The following MEI4 variants were observed in gnomAD, a reference collection of about 807,000 sequenced individuals.
MEI4 encodes meiotic double-stranded break formation protein 4.
MEI4 carries 27 observed loss-of-function variants against 31.4 expected under a neutral mutation model. The ratio of observed to expected loss-of-function variants is 0.86; its 90% CI spans 0.63 to 1.19. The LOEUF is 1.19. Among genes scored for constraint, MEI4 ranks in the 50% most tolerant of loss-of-function variants. The pLI is 0.00. For synonymous variants in MEI4, 122 were observed against 145.4 expected (o/e 0.84, Z 1.16); for missense variants, 329 against 398.9 (o/e 0.82, Z 1.49).
chr6:77,907,504 A>G (rs1233677935), intron 4 of MEI4, among the ~76,000 whole-genome samples: 2 of 152,162 alleles, frequency 1.3e-5, no homozygotes, highest in East Asian at 3.9e-4. Context: ...TCCATGGTGT[A>G]TATGTGCCAC....
chr6:77,916,807 T>A (rs1350817251), intron 4 of MEI4, among the ~76,000 whole-genome samples: 3 of 151,828 alleles, frequency 2.0e-5, no homozygotes, highest in Non-Finnish European at 4.4e-5. Context: ...TTAGGGTACA[T>A]GTGCACATTG....
chr6:77,662,563 A>G (rs187522764), intron 1 of MEI4, among the ~76,000 whole-genome samples: 4 of 152,326 alleles, frequency 2.6e-5, no homozygotes, highest in African/African-American at 9.6e-5. Flanking sequence ...GGAAATTATG[A>G]GAGCTGTAGA....
At chr6:77,873,798 G>A (rs1402763531) in intron 4 of MEI4, among the ~76,000 whole-genome samples, 1 of 152,124 alleles carries the variant, frequency 6.6e-6, no homozygotes, top group Admixed American at 6.6e-5. Context: ...GTAAGGAAGG[G>A]ATCCAGTTTC....
intron 2 of MEI4, among the ~76,000 whole-genome samples, chr6:77,745,320 C>G (rs12526334): frequency 0.092 from 13,993 of 152,078 alleles, 929 homozygotes; most frequent in East Asian, 0.31. Context: ...GGTTGCAATC[C>G]TAGTCTCTGA....
At chr6:77,700,968 G>A (rs1278589817) in intron 2 of MEI4, among the ~76,000 whole-genome samples, 1 of 150,000 alleles carries the variant, frequency 6.7e-6, no homozygotes, top group Admixed American at 6.6e-5. Context: ...AAGTAGAAAG[G>A]AAGGAAGGAA....
intron 4 of MEI4, among the ~76,000 whole-genome samples, chr6:77,844,414 CAG>C (rs1321178973): frequency 6.6e-6 from 1 of 152,142 alleles, no homozygotes; most frequent in African/African-American, 2.4e-5. Context: ...AAGAACATAA[CAG>C]AAGCCTTCCA....
chr6:77,789,040 T>G (rs1768836773), intron 3 of MEI4, among the ~76,000 whole-genome samples: 1 of 152,194 alleles, frequency 6.6e-6, no homozygotes, highest in South Asian at 2.1e-4. Flanking sequence ...AGCATGGTAC[T>G]GGTACCAAAG....
chr6:77,869,789 A>AT (rs1262006749), intron 4 of MEI4, among the ~76,000 whole-genome samples: 2 of 152,300 alleles, frequency 1.3e-5, no homozygotes, highest in African/African-American at 4.8e-5. Flanking sequence ...GATGAAGAGA[A>AT]TATCAGGAAG....
At chr6:77,882,366 T>G (rs1482592470) in intron 4 of MEI4, among the ~76,000 whole-genome samples, 1 of 152,220 alleles carries the variant, frequency 6.6e-6, no homozygotes, top group African/African-American at 2.4e-5. Context: ...TCTCCATCAT[T>G]TCCACATTTT....
chr6:77,765,267 C>T (rs575483938), intron 3 of MEI4, among the ~76,000 whole-genome samples: 15 of 149,554 alleles, frequency 1.0e-4, no homozygotes, highest in African/African-American at 3.6e-4. Context: ...CTTATTTTCT[C>T]CACTATGCCC....
chr6:77,770,009 A>T (rs1768272037), intron 3 of MEI4, among the ~76,000 whole-genome samples: 1 of 151,830 alleles, frequency 6.6e-6, no homozygotes, highest in Non-Finnish European at 1.5e-5. Flanking sequence ...GCAGCCTGGT[A>T]CCAGCTTGGC....
chr6:77,665,338 G>A (rs1286546858), intron 1 of MEI4, among the ~76,000 whole-genome samples: 2 of 152,084 alleles, frequency 1.3e-5, no homozygotes, highest in Admixed American at 1.3e-4. Context: ...GGGTTGAGGG[G>A]TACTTGCCCC....
At chr6:77,706,212 G>C (rs1226114179) in intron 2 of MEI4, among the ~76,000 whole-genome samples, 1 of 152,102 alleles carries the variant, frequency 6.6e-6, no homozygotes, top group Admixed American at 6.6e-5. Context: ...CTGCCTTTCT[G>C]TGTAAGAGCT....
intron 2 of MEI4, among the ~76,000 whole-genome samples, chr6:77,714,854 T>A (rs1766544408): frequency 6.6e-6 from 1 of 152,198 alleles, no homozygotes; most frequent in Non-Finnish European, 1.5e-5. Flanking sequence ...ATATCAAGTA[T>A]TTTTTGCCCT....
intron 3 of MEI4, among the ~76,000 whole-genome samples, chr6:77,795,010 A>C (rs2127697623): frequency 6.6e-6 from 1 of 152,270 alleles, no homozygotes; most frequent in East Asian, 1.9e-4. Context: ...TGGAAAGCAA[A>C]AATATATTAA....
chr6:77,910,813 A>C (rs1045878106), intron 4 of MEI4, among the ~76,000 whole-genome samples: 1 of 151,414 alleles, frequency 6.6e-6, no homozygotes, highest in African/African-American at 2.4e-5. Flanking sequence ...TTGTAATTCT[A>C]TTTTTTGTTT....
At chr6:77,918,340 T>A (rs1346302851) in intron 4 of MEI4, among the ~76,000 whole-genome samples, 1,573 of 140,618 alleles carry the variant, frequency 0.011, 37 homozygotes, top group African/African-American at 0.041. Flanking sequence ...TGGCATTGAA[T>A]CTGTAAATTA....
At chr6:77,829,241 A>G (rs1023680587) in intron 4 of MEI4, among the ~76,000 whole-genome samples, 179 bp downstream of exon 4, 3 of 152,240 alleles carry the variant, frequency 2.0e-5, no homozygotes, top group Non-Finnish European at 4.4e-5. Context: ...TTCAGAAAAC[A>G]GTTTTGAAAG....
intron 2 of MEI4, among the ~76,000 whole-genome samples, chr6:77,746,880 G>T (rs2127675764): frequency 6.6e-6 from 1 of 152,144 alleles, no homozygotes; most frequent in East Asian, 1.9e-4. Flanking sequence ...AACATAAATT[G>T]TGTATTTTTA....
Sources: allele counts gnomAD v4.1 joint callset (sites outside exome capture counted in the v4.1 genomes callset), GRCh38; gene constraint gnomAD v4.1.1; transcripts MANE v1.5; gene names NCBI Gene and HGNC (gene_info 2026-07-23, HGNC 2026-07-21).